Variants in ATP2B3 observed in about 807,000 individuals in gnomAD.
ATP2B3 encodes ATPase plasma membrane Ca2+ transporting 3.
Under a neutral mutation model 70.8 loss-of-function variants are expected in ATP2B3, and 12 were observed. That is an observed-to-expected ratio of 0.17 (90% CI 0.11 to 0.27). ATP2B3 has a LOEUF of 0.27. Ranked by LOEUF, ATP2B3 falls within the 10% of genes least tolerant of loss-of-function variation. ATP2B3 has a pLI of 1.00. For synonymous variants in ATP2B3, 460 were observed against 497.8 expected, an observed-to-expected ratio of 0.92 and a Z score of 1.01; for missense variants, 858 against 1,118.5, an observed-to-expected ratio of 0.77 and a Z score of 3.32.
rs782583671 is a variant in ATP2B3, at chrX:153,564,989, C to A, written c.3228C>A (p.Asp1076Glu). The A allele has an allele frequency of 1.7e-6, 2 of 1,200,343 alleles. No individual in the cohort carries two copies. The highest frequency in any genetic ancestry group is 2.2e-5 in the Admixed American group (1 of 44,861). The change falls in exon 21 of 22, where the codon GAC becomes GAA. Residue 1076 changes from aspartate (D) to glutamate (E), a missense_variant. Around this residue, in one of 5 missense-constraint regions of ATP2B3, gnomAD observed 265 missense variants for 305.3 expected, o/e 0.87. Coordinates refer to ENST00000263519, the MANE Select transcript of ATP2B3 (RefSeq NM_001001344.3). Reference sequence around the variant, plus strand: ...AAGCCGGGCACGGGCCCGGGAAGGACGAGATGACCGACGAGGAGCTGGCCG... The same window carrying A: ...AAGCCGGGCACGGGCCCGGGAAGGAAGAGATGACCGACGAGGAGCTGGCCG... ...LKEAGHGPGK[D>E]EMTDEELAEG...
chrX:153,538,615 C>T (rs1557005185), intron 3 of ATP2B3, among the ~76,000 whole-genome samples: 2 of 113,061 alleles, frequency 1.8e-5, no homozygotes, highest in African/African-American at 6.4e-5. Flanking sequence ...ACACGAGATG[C>T]TCCTAATCCA....
chrX:153,525,957 T>A (rs1425017964), intron 2 of ATP2B3, among the ~76,000 whole-genome samples: 1 of 113,135 alleles, frequency 8.8e-6, no homozygotes, highest in Non-Finnish European at 1.9e-5. Context: ...GAGGCACTCG[T>A]GGCTGTGTCT....
rs1277805736 is a variant in ATP2B3 at position 153,582,315 on chromosome X, T to C, written c.*2017T>C. On this transcript the variant is annotated 3_prime_UTR_variant, in exon 22 of 22. Transcript: ENST00000263519. ...CCATCCCTTTTTTCTAAAGGGCACA[T>C]TGAGAATGTCACCCATTTGTAAACT... 2 of 112,946 alleles carry C rather than the reference T, an allele frequency of 1.8e-5. No homozygotes were observed. Among genetic ancestry groups the C allele is most frequent in the African/African-American group, 6.5e-5 (2 of 31,002 alleles). 9.3% of individuals were successfully genotyped at this position (112,946 alleles called of 1,213,427 possible). A position where few individuals can be genotyped will look rare whatever the true frequency, so the allele number is the denominator to read the frequency against.
Position 153,564,978 on chromosome X carries a change from C to G in ATP2B3, c.3217C>G (p.Pro1073Ala). Residue 1073 changes from proline to alanine, a missense_variant, in exon 21 of 22, where the codon CCC becomes GCC. By Grantham distance (27) the Pro-to-Ala change is conservative. Transcript: ENST00000263519. The stretch of plus-strand genomic sequence containing the variant: ...GTGCCTGAAGGAAGCCGGGCACGGG[C>G]CCGGGAAGGACGAGATGACCGACGA... ...LKCLKEAGHG[P>A]GKDEMTDEEL... 8.3e-7 allele frequency: 1 copy of G among 1,200,831 alleles called. No individual in the cohort carries two copies. Among genetic ancestry groups the G allele is most frequent in the Admixed American group, 2.2e-5 (1 of 44,923 alleles).
intron 8 of ATP2B3, 149 bp downstream of exon 8, chrX:153,546,278 C>A: frequency 2.8e-6 from 2 of 712,429 alleles, no homozygotes; most frequent in Non-Finnish European, 4.3e-6. Context: ...CAGTCCCGTC[C>A]CAGTGCAGAG....
intron 21 of ATP2B3, among the ~76,000 whole-genome samples, chrX:153,576,730 G>A (rs782766222): frequency 2.7e-5 from 3 of 111,733 alleles, no homozygotes; most frequent in Non-Finnish European, 5.7e-5. Flanking sequence ...AGCAGAGCAG[G>A]AGGCGGTGCA....
At chrX:153,523,727 GCT>G (rs1287593569) in intron 2 of ATP2B3, among the ~76,000 whole-genome samples, 1 of 73,597 alleles carries the variant, frequency 1.4e-5, no homozygotes, top group Non-Finnish European at 2.3e-5. Context: ...AGACAGTCTC[GCT>G]CTGTCACCCA....
At position 153,553,163 on chromosome X, in the gene ATP2B3, G is replaced by A. The variant is rs1302799610; in HGVS notation, c.1952G>A (p.Arg651Gln). 3 of 1,210,004 alleles carry A rather than the reference G, an allele frequency of 2.5e-6. No individual in the cohort carries two copies. The highest frequency in any genetic ancestry group is 3.4e-6 in the Non-Finnish European group (3 of 895,117). Residue 651 changes from arginine (R) to glutamine (Q), a missense_variant, in exon 13 of 22, where the codon CGG (arginine) becomes CAG (glutamine). Around this residue, in one of 5 missense-constraint regions of ATP2B3, gnomAD observed 242 missense variants for 281.3 expected, o/e 0.86. Transcript: ENST00000263519. The part of the protein sequence containing the change: ...DGLRTICIAY[R>Q]DFSAGQEPDW... ...CTCCGCACCATCTGCATCGCCTACC[G>A]GGACTTCTCTGCAGGCCAGGAGCCC... is the stretch of plus-strand genomic sequence containing the variant.
intron 8 of ATP2B3, 24 bp from the exon 9 acceptor site, chrX:153,547,811 G>C (rs782654451): frequency 8.6e-7 from 1 of 1,163,226 alleles, no homozygotes; most frequent in South Asian, 2.1e-5. Flanking sequence ...ACTGACCTTG[G>C]CCATGGGGTT....
At position 153,558,163 on chromosome X, in the gene ATP2B3, G is replaced by A. The variant is rs141644369; in HGVS notation, c.2485G>A (p.Asp829Asn). ...GGAGGCCTCCGACATCATCCTGACC[G>A]ATGACAACTTCACCAGCATCGTCAA... The part of the protein sequence containing the change: ...AKEASDIILT[D>N]DNFTSIVKAV... The change falls in exon 17 of 22, where the codon GAT becomes AAT. Residue 829 changes from aspartate (D) to asparagine (N), a missense_variant. By Grantham distance (23) the Asp-to-Asn change is conservative. Coordinates refer to ENST00000263519, the MANE Select transcript of ATP2B3 (RefSeq NM_001001344.3). The A allele has an allele frequency of 1.1e-5, 13 of 1,209,472 alleles. No individual in the cohort carries two copies. In the African/African-American group the frequency reaches 1.2e-4, roughly 11 times the overall value.
intron 21 of ATP2B3, among the ~76,000 whole-genome samples, chrX:153,572,101 A>G (rs1410344686): frequency 8.9e-6 from 1 of 112,980 alleles, no homozygotes; most frequent in Non-Finnish European, 1.9e-5. Context: ...CCCAAGGGCC[A>G]GGACCTGCAC....
At position 153,536,147 on chromosome X, in the gene ATP2B3, C is replaced by A; in HGVS notation, c.-101C>A. Reference sequence around the variant, plus strand: ...GTGTCCACGCTTAGCAGCTTTCTCACCGCCGCCAAACCTTGCCTGGGCACT... The same window carrying A: ...GTGTCCACGCTTAGCAGCTTTCTCAACGCCGCCAAACCTTGCCTGGGCACT... On this transcript the variant is annotated 5_prime_UTR_variant, in exon 3 of 22. Transcript: ENST00000263519. 1 of 977,350 alleles carries A rather than the reference C, an allele frequency of 1.0e-6. No individual in the cohort carries two copies. The highest frequency in any genetic ancestry group is 1.4e-6 in the Non-Finnish European group (1 of 700,609). The allele number at this position is 977,350 out of a possible 1,213,427, so 80.5% of individuals were successfully genotyped here.
At position 153,580,287 on chromosome X, in the gene ATP2B3, A is replaced by T; in HGVS notation, c.3652A>T (p.Thr1218Ser). ...CGGGAGCCCGCTCCACAGCGTGGAG[A>T]CGTCCCTCTAACAAGAACTTGTCTC... ...SPGSPLHSVE[T>S]SL Residue 1218 changes from threonine (T) to serine (S), a missense_variant, in exon 22 of 22, where the codon ACG becomes TCG. This residue lies in a region of ATP2B3 where 265 missense variants were observed against 305.3 expected (regional missense o/e 0.87). Coordinates refer to ENST00000263519, the MANE Select transcript of ATP2B3 (RefSeq NM_001001344.3). 1 of 1,205,213 alleles carries T rather than the reference A, an allele frequency of 8.3e-7. No individual in the cohort carries two copies. The highest frequency in any genetic ancestry group is 1.1e-6 in the Non-Finnish European group (1 of 890,326).
chrX:153,523,390 C>G (rs1052613569), intron 2 of ATP2B3, among the ~76,000 whole-genome samples: 1 of 112,161 alleles, frequency 8.9e-6, no homozygotes, highest in Admixed American at 9.5e-5. Context: ...CCCAGGCAGT[C>G]AGATTTATTT....
chrX:153,577,372 A>G (rs2090870724), intron 21 of ATP2B3, among the ~76,000 whole-genome samples: 1 of 112,030 alleles, frequency 8.9e-6, no homozygotes, highest in African/African-American at 3.3e-5. Context: ...ACATGCCCCC[A>G]GGTCTGAATG....
chrX:153,564,943 G>C lies in ATP2B3; in HGVS notation c.3182G>C (p.Ser1061Thr). Residue 1061 changes from serine (S) to threonine (T), a missense_variant, in exon 21 of 22, where the codon AGC becomes ACC. By Grantham distance (58) the Ser-to-Thr change is moderately conservative (BLOSUM62 1). This residue lies in a region of ATP2B3 where 265 missense variants were observed against 305.3 expected (regional missense o/e 0.87). Transcript: ENST00000263519. ...WGQVIATIPT[S>T]QLKCLKEAGH... The stretch of plus-strand genomic sequence containing the variant: ...CAGGTCATTGCCACCATCCCCACCA[G>C]CCAGCTCAAGTGCCTGAAGGAAGCC... 1 of 1,195,446 alleles carries C rather than the reference G, an allele frequency of 8.4e-7. No homozygotes were observed. The highest frequency in any genetic ancestry group is 3.0e-5 in the East Asian group (1 of 33,126).
rs782453130 is a variant in ATP2B3 at position 153,574,953 on chromosome X, C to T, written c.3343-5025C>T. 483 of 299,170 alleles carry T rather than the reference C, an allele frequency of 1.6e-3. 1 individual carries two copies. The highest frequency in any genetic ancestry group is 3.5e-3 in the Middle Eastern group (7 of 2,000). 24.7% of individuals were successfully genotyped at this position (299,170 alleles called of 1,213,427 possible). On this transcript the variant is annotated intron_variant, in intron 21 of 21. Transcript: ENST00000263519. ...CTCAGAACTGCTCATCCACGCAAGT[C>T]GGGAGCCCGGGCCAAGCCCACAGCA... is the stretch of plus-strand genomic sequence containing the variant.
At chrX:153,556,279 C>A in intron 14 of ATP2B3, 51 bp downstream of exon 14, 1 of 1,199,058 alleles carries the variant, frequency 8.3e-7, no homozygotes, top group Non-Finnish European at 1.1e-6. Flanking sequence ...TCACCCCAGC[C>A]CCCTGCGTGC....
intron 3 of ATP2B3, among the ~76,000 whole-genome samples, chrX:153,537,864 C>A (rs894202548): frequency 8.9e-6 from 1 of 112,753 alleles, no homozygotes; most frequent in Non-Finnish European, 1.9e-5. Context: ...AATGTCAAGG[C>A]CCCTGGGAAC....
Sources: allele counts gnomAD v4.1 joint callset (sites outside exome capture counted in the v4.1 genomes callset), GRCh38; gene constraint gnomAD v4.1.1; regional missense constraint gnomAD v4.1.1; transcripts MANE v1.5; gene names NCBI Gene and HGNC (gene_info 2026-07-23, HGNC 2026-07-21).